The following LOC400499 variants were observed in gnomAD, a reference collection of about 807,000 sequenced individuals.
the LOC400499 span, among the ~76,000 whole-genome samples, chr16:11,437,248 G>A: frequency 6.6e-5 from 10 of 152,268 alleles, no homozygotes; most frequent in Admixed American, 4.6e-4. Context: ...GATCCATTAC[G>A]TTGTATCAAT....
At chr16:11,385,577 G>T in the LOC400499 span, among the ~76,000 whole-genome samples, 9 of 152,348 alleles carry the variant, frequency 5.9e-5, no homozygotes, top group Middle Eastern at 3.4e-3. Context: ...GAGGCCCAGG[G>T]ATCCCCCACC....
At chr16:11,381,603 T>TAAATG in the LOC400499 span, among the ~76,000 whole-genome samples, 3 of 152,252 alleles carry the variant, frequency 2.0e-5, no homozygotes, top group African/African-American at 2.4e-5. Flanking sequence ...ATAGACTACG[T>TAAATG]AAATGAACGT....
At chr16:11,404,617 G>C in the LOC400499 span, 1 of 398,076 alleles carries the variant, frequency 2.5e-6, no homozygotes, top group Non-Finnish European at 4.4e-6. Flanking sequence ...AAAGGGCTTG[G>C]ATTACAGGCA....
chr16:11,415,215 T>C, the LOC400499 span, among the ~76,000 whole-genome samples: 7 of 152,198 alleles, frequency 4.6e-5, no homozygotes, highest in African/African-American at 1.4e-4. Flanking sequence ...GGCTCACAGT[T>C]AGGAGTTTCT....
the LOC400499 span, among the ~76,000 whole-genome samples, chr16:11,463,717 G>A: frequency 6.6e-6 from 1 of 152,260 alleles, no homozygotes; most frequent in Non-Finnish European, 1.5e-5. Flanking sequence ...ATGGATGTGT[G>A]TGTGGATATA....
At chr16:11,454,739 C>T in the LOC400499 span, among the ~76,000 whole-genome samples, 1 of 152,196 alleles carries the variant, frequency 6.6e-6, no homozygotes, top group Non-Finnish European at 1.5e-5. Flanking sequence ...TTACAGAACC[C>T]TTGGAAATGA....
At chr16:11,451,871 T>G in the LOC400499 span, among the ~76,000 whole-genome samples, 35 of 152,038 alleles carry the variant, frequency 2.3e-4, no homozygotes, top group African/African-American at 8.4e-4. Context: ...TAGGGAGACA[T>G]TGAAGAGTGG....
chr16:11,383,801 G>GAGTCACTGTCCACA, the LOC400499 span: 1 of 1,232,232 alleles, frequency 8.1e-7, no homozygotes. Context: ...CAGGGACACC[G>GAGTCACTGTCCACA]AGTCACTGTC....
At chr16:11,479,111 G>C in the LOC400499 span, among the ~76,000 whole-genome samples, 1 of 152,128 alleles carries the variant, frequency 6.6e-6, no homozygotes, top group African/African-American at 2.4e-5. Flanking sequence ...AGGGCAAAGT[G>C]CCTGTACTTT....
chr16:11,441,059 G>C, the LOC400499 span: 1 of 399,004 alleles, frequency 2.5e-6, no homozygotes, highest in Non-Finnish European at 4.4e-6. Context: ...AAGTGGCCTC[G>C]ACCTCTCTGT....
At chr16:11,396,204 G>A in the LOC400499 span, among the ~76,000 whole-genome samples, 13 of 152,220 alleles carry the variant, frequency 8.5e-5, no homozygotes, top group African/African-American at 3.1e-4. Context: ...GGTACCAGGA[G>A]GCAGCTAGGC....
chr16:11,508,183 T>C, the LOC400499 span, among the ~76,000 whole-genome samples: 1 of 152,160 alleles, frequency 6.6e-6, no homozygotes. Context: ...ACATGTGGGT[T>C]CAGGGCCCTC....
chr16:11,472,040 G>C, the LOC400499 span: 1 of 385,760 alleles, frequency 2.6e-6, no homozygotes, highest in Non-Finnish European at 4.6e-6. Context: ...TTTGGGGGCT[G>C]TCCTGTGCAT....
chr16:11,424,491 G>A, the LOC400499 span: 1 of 398,000 alleles, frequency 2.5e-6, no homozygotes, highest in Non-Finnish European at 4.4e-6. Context: ...CATAGCTCCA[G>A]GTCCTACTGC....
At chr16:11,450,528 C>T in the LOC400499 span, 1 of 1,398,570 alleles carries the variant, frequency 7.2e-7, no homozygotes, top group South Asian at 1.3e-5. Context: ...CCACAGACCT[C>T]AGCTTTCATC....
At chr16:11,415,965 T>G in the LOC400499 span, among the ~76,000 whole-genome samples, 1 of 151,824 alleles carries the variant, frequency 6.6e-6, no homozygotes, top group East Asian at 1.9e-4. Context: ...GTTTTGTTTT[T>G]TTTTTTTTGA....
At chr16:11,462,046 G>A in the LOC400499 span, 8 of 1,316,456 alleles carry the variant, frequency 6.1e-6, no homozygotes, top group Non-Finnish European at 8.0e-6. Flanking sequence ...AGGACCATAA[G>A]GAGGCACTTG....
the LOC400499 span, among the ~76,000 whole-genome samples, chr16:11,447,180 C>G: frequency 6.6e-6 from 1 of 152,232 alleles, no homozygotes; most frequent in African/African-American, 2.4e-5. Flanking sequence ...ATAGATGACA[C>G]ACAGCATCTG....
the LOC400499 span, among the ~76,000 whole-genome samples, chr16:11,420,548 A>G: frequency 6.6e-6 from 1 of 151,172 alleles, no homozygotes; most frequent in Non-Finnish European, 1.5e-5. Flanking sequence ...TACATATGTA[A>G]CTAACCTGCA....
Sources: gnomAD v4.1 joint callset for allele counts (sites outside exome capture counted in the v4.1 genomes callset) on GRCh38, gnomAD v4.1.1 for gene constraint, MANE v1.5 for transcripts.